The following YTHDC2 variants were observed in gnomAD, a reference collection of about 807,000 sequenced individuals.
YTHDC2 encodes the protein 3'-5' RNA helicase YTHDC2.
A neutral mutation model predicts 174.9 loss-of-function variants in YTHDC2; 45 were observed. That is an observed-to-expected ratio of 0.26 (90% CI 0.20 to 0.33). The LOEUF (loss-of-function observed/expected upper bound fraction) is 0.33. Among genes scored for constraint, YTHDC2 ranks in the 10% least tolerant of loss-of-function variants. The pLI is 1.00. For synonymous variants in YTHDC2, 657 were observed against 574.5 expected (o/e 1.14, Z -2.05); for missense variants, 1,650 against 1,723.7 (o/e 0.96, Z 0.76).
chr5:113,544,709 G>T (rs1419799413), intron 10 of YTHDC2, among the ~76,000 whole-genome samples: 1 of 150,580 alleles, frequency 6.6e-6, no homozygotes, highest in Non-Finnish European at 1.5e-5. Context: ...TTTTTTTTGG[G>T]CTGACTGTAC....
chr5:113,528,087 A>C (rs1774400030), intron 4 of YTHDC2, among the ~76,000 whole-genome samples: 1 of 152,228 alleles, frequency 6.6e-6, no homozygotes, highest in African/African-American at 2.4e-5. Flanking sequence ...TAGCAGTTCT[A>C]ATTATATAGA....
intron 4 of YTHDC2, among the ~76,000 whole-genome samples, chr5:113,528,619 C>T (rs1429046778): frequency 2.6e-5 from 4 of 151,246 alleles, no homozygotes; most frequent in African/African-American, 9.8e-5. Context: ...AGCAATTCTC[C>T]TCCCTCTGCC....
intron 26 of YTHDC2, among the ~76,000 whole-genome samples, chr5:113,584,773 CTTTTTTT>C (rs34217644): frequency 1.0e-5 from 1 of 95,734 alleles, no homozygotes; most frequent in Non-Finnish European, 2.0e-5. Flanking sequence ...CTTTCGAATC[CTTTTTTT>C]TTTTTTTTTT....
chr5:113,553,681 A>G lies in YTHDC2; in HGVS notation c.1959A>G (p.Thr653=), dbSNP rs1176160274. ...LFDDKRFADS[T]HRYQVFMLHS... is the part of the protein sequence containing the mutation. ...ATGACAAGCGGTTTGCTGACAGTAC[A>G]CATAGGTAAGGGCTAAAGCCTTATA... The change falls in exon 14 of 30, where the codon ACA becomes ACG. Residue 653 remains threonine, a synonymous_variant. Coordinates refer to ENST00000161863, the MANE Select transcript of YTHDC2 (RefSeq NM_022828.5). The G allele has an allele frequency of 3.1e-6, 5 of 1,613,496 alleles. No individual in the cohort carries two copies. The highest frequency in any genetic ancestry group is 1.1e-5 in the South Asian group (1 of 91,050).
chr5:113,536,564 C>T (rs192828800), intron 7 of YTHDC2, among the ~76,000 whole-genome samples: 34 of 152,178 alleles, frequency 2.2e-4, no homozygotes, highest in South Asian at 1.0e-3. Context: ...GTTCTGTTTA[C>T]TTCAGTGAAA....
intron 12 of YTHDC2, among the ~76,000 whole-genome samples, chr5:113,552,403 A>C (rs1776305573): frequency 6.6e-6 from 1 of 151,912 alleles, no homozygotes; most frequent in East Asian, 1.9e-4. Flanking sequence ...GTTTCTATAG[A>C]TTTGTCTATT....
intron 27 of YTHDC2, among the ~76,000 whole-genome samples, chr5:113,591,579 A>G (rs551828015): frequency 1.4e-4 from 21 of 152,274 alleles, no homozygotes; most frequent in African/African-American, 4.8e-4. Flanking sequence ...AGTATTGACA[A>G]TCAGTAAACT....
rs138017553 is a variant in YTHDC2 at position 113,534,386 on chromosome 5, G to T, written c.924G>T (p.Ser308=). ...TGATGGCAGGAGATAGTACGTTGTCGACTGTGACACATGTTATCGTGGTAA... is the reference window on the plus strand; with the variant it reads ...TGATGGCAGGAGATAGTACGTTGTCTACTGTGACACATGTTATCGTGGTAA... The part of the protein sequence containing the change: ...RTLMAGDSTL[S]TVTHVIVDEV... Residue 308 remains serine (S), a synonymous_variant, in exon 6 of 30, where the codon TCG becomes TCT. Coordinates refer to ENST00000161863, the MANE Select transcript of YTHDC2 (RefSeq NM_022828.5). 8.7e-6 allele frequency: 14 copies of T among 1,611,452 alleles called. No homozygotes were observed. The highest frequency in any genetic ancestry group is 1.7e-5 in the Admixed American group (1 of 59,964).
intron 12 of YTHDC2, among the ~76,000 whole-genome samples, chr5:113,551,723 T>G (rs2112664415): frequency 6.6e-6 from 1 of 152,298 alleles, no homozygotes; most frequent in East Asian, 1.9e-4. Flanking sequence ...ACCTGCATGT[T>G]GTGCACATGT....
intron 4 of YTHDC2, among the ~76,000 whole-genome samples, chr5:113,531,451 G>T (rs980188744): frequency 6.6e-6 from 1 of 152,046 alleles, no homozygotes; most frequent in Admixed American, 6.6e-5. Flanking sequence ...TACCTCCTGA[G>T]TAGAGAGCAA....
At chr5:113,561,571 C>T (rs193120067) in intron 18 of YTHDC2, among the ~76,000 whole-genome samples, 1,869 of 151,338 alleles carry the variant, frequency 0.012, 40 homozygotes, top group African/African-American at 0.044. Flanking sequence ...CGGGTTCAAG[C>T]GATTCTCTGG....
At chr5:113,546,558 A>G (rs1378577010) in intron 10 of YTHDC2, among the ~76,000 whole-genome samples, 1 of 152,230 alleles carries the variant, frequency 6.6e-6, no homozygotes, top group Non-Finnish European at 1.5e-5. Flanking sequence ...CATTTTCCCC[A>G]TGATCATGTA....
At chr5:113,581,789 T>C in intron 25 of YTHDC2, 80 bp downstream of exon 25, 1 of 1,200,380 alleles carries the variant, frequency 8.3e-7, no homozygotes. Flanking sequence ...CATGTGCTTT[T>C]ATAATATTTA....
intron 20 of YTHDC2, 57 bp from the exon 21 acceptor site, chr5:113,565,836 C>T (rs773458770): frequency 2.1e-5 from 32 of 1,545,380 alleles, no homozygotes; most frequent in Non-Finnish European, 2.5e-5. Flanking sequence ...TACTTGTTGC[C>T]TCACTAAGAA....
At chr5:113,549,717 C>G (rs979111634) in intron 12 of YTHDC2, among the ~76,000 whole-genome samples, 1 of 151,990 alleles carries the variant, frequency 6.6e-6, no homozygotes, top group Non-Finnish European at 1.5e-5. Context: ...TCCTCTTTAA[C>G]CTGTTCTACG....
At chr5:113,515,232 C>G in intron 1 of YTHDC2, 40 bp from the exon 2 acceptor site, 1 of 1,508,546 alleles carries the variant, frequency 6.6e-7, no homozygotes, top group Non-Finnish European at 9.1e-7. Context: ...AGAAAATTGC[C>G]TATCTACAAA....
chr5:113,582,590 G>A (rs1561704934), intron 25 of YTHDC2: 1 of 152,094 alleles, frequency 6.6e-6, no homozygotes, highest in Non-Finnish European at 1.5e-5. Context: ...TATGAGGCTA[G>A]TTTTGGCAAT....
At chr5:113,534,538 C>G (rs10040203) in intron 6 of YTHDC2, 131 bp downstream of exon 6, 150,325 of 598,112 alleles carry the variant, frequency 0.25, 23,965 homozygotes, top group African/African-American at 0.56. Context: ...AAAAGAGAAC[C>G]AACTTATTCT....
At chr5:113,584,534 C>A in intron 26 of YTHDC2, 55 bp downstream of exon 26, 1 of 1,366,652 alleles carries the variant, frequency 7.3e-7, no homozygotes, top group South Asian at 1.7e-5. Context: ...CACATGTAAT[C>A]CTAGGTAAAT....
Sources: allele counts gnomAD v4.1 joint callset (sites outside exome capture counted in the v4.1 genomes callset), GRCh38; gene constraint gnomAD v4.1.1; transcripts MANE v1.5; gene names NCBI Gene and HGNC (gene_info 2026-07-23, HGNC 2026-07-21).